Variants in AGAP1 observed in about 807,000 individuals in gnomAD.
The protein encoded by AGAP1 is ArfGAP with GTPase domain, ankyrin repeat and PH domain 1.
Under a neutral mutation model 105.3 loss-of-function variants are expected in AGAP1, and 29 were observed. The observed-to-expected ratio is 0.28, with a 90% CI of 0.21 to 0.38. The LOEUF (loss-of-function observed/expected upper bound fraction) is 0.38. Among genes scored for constraint, AGAP1 ranks in the 10% least tolerant of loss-of-function variants. AGAP1 has a pLI of 1.00. For missense variants in AGAP1, 998 were observed against 1,165.1 expected, an observed-to-expected ratio of 0.86 and a Z score of 2.09; for synonymous variants, 509 against 485.9, an observed-to-expected ratio of 1.05 and a Z score of -0.63.
chr2:235,616,736 C>T (rs936912242), intron 1 of AGAP1, among the ~76,000 whole-genome samples: 2 of 152,142 alleles, frequency 1.3e-5, no homozygotes, highest in African/African-American at 4.8e-5. Flanking sequence ...CAGAGTAGAC[C>T]CTTAATAAAT....
At chr2:236,063,601 G>A (rs751390374) in intron 16 of AGAP1, among the ~76,000 whole-genome samples, 6 of 152,222 alleles carry the variant, frequency 3.9e-5, no homozygotes, top group Non-Finnish European at 8.8e-5. Flanking sequence ...ATTTCGACAA[G>A]ATTAATTGAT....
At chr2:235,768,665 C>T (rs531242192) in intron 6 of AGAP1, among the ~76,000 whole-genome samples, 3 of 152,220 alleles carry the variant, frequency 2.0e-5, no homozygotes, top group African/African-American at 4.8e-5. Flanking sequence ...CAGTAAACTC[C>T]GGCGGCATCC....
In AGAP1 at chr2:235,622,857, A is replaced by G. The variant is rs1382569956; in HGVS notation, c.164-86322A>G. Among the ~76,000 whole-genome samples the G allele has an allele frequency of 6.6e-6, 1 of 152,114 alleles. No homozygotes were observed. Among genetic ancestry groups the G allele is most frequent in the Non-Finnish European group, 1.5e-5 (1 of 68,024 alleles). ...ACACTGGACAGTCATTGTAGAAAGT[A>G]AGATGTGATGTTAATAGTCTCTTCT... On this transcript the variant is annotated intron_variant, in intron 1 of 17. Transcript: ENST00000304032. This position sits in a 1 kb window ranked among gnomAD's most constrained non-coding sequence, Gnocchi z 5.0.
chr2:235,831,347 T>C (rs1959371138), intron 9 of AGAP1, among the ~76,000 whole-genome samples: 1 of 152,222 alleles, frequency 6.6e-6, no homozygotes, highest in South Asian at 2.1e-4. Flanking sequence ...CCATCTGTAC[T>C]TTAGGGTTCA....
At chr2:235,628,031 GC>G (rs919957842) in intron 1 of AGAP1, among the ~76,000 whole-genome samples, 18 of 152,110 alleles carry the variant, frequency 1.2e-4, no homozygotes, top group African/African-American at 4.1e-4. Context: ...GAGGGTCTGA[GC>G]CCCCCATGCA....
intron 5 of AGAP1, among the ~76,000 whole-genome samples, chr2:235,745,761 G>GC (rs1456907139): frequency 2.0e-5 from 3 of 152,202 alleles, no homozygotes; most frequent in African/African-American, 7.2e-5. Context: ...TAAGTAGGAG[G>GC]TTGCCCAGGC....
At chr2:235,827,747 A>C (rs931677393) in intron 9 of AGAP1, among the ~76,000 whole-genome samples, 3 of 152,230 alleles carry the variant, frequency 2.0e-5, no homozygotes, top group African/African-American at 7.2e-5. Flanking sequence ...CTTTCCTTTA[A>C]CATAGCTTGC....
chr2:235,542,153 A>G (rs1270318757), intron 1 of AGAP1, among the ~76,000 whole-genome samples: 1 of 151,520 alleles, frequency 6.6e-6, no homozygotes, highest in Admixed American at 6.6e-5. Context: ...TTTCACTTTC[A>G]TTTTTTGCAG....
chr2:235,723,765 CGTTGGTTGGTTGGTTGGTTG>C lies in AGAP1; in HGVS notation c.310+6140_310+6159del, dbSNP rs3834112. ...ATATGGATTGAGTGGGAGCTTTTATCGTTGGTTGGTTGGTTGGTTGGTTGGTTGGTTGGTTGGTCGATCGA... is the reference window on the plus strand; with the variant it reads ...ATATGGATTGAGTGGGAGCTTTTATCGTTGGTTGGTTGGTTGGTCGATCGA... On this transcript the variant is annotated intron_variant, in intron 3 of 17. Transcript: ENST00000304032. The surrounding 1 kb of genome is among the most constrained non-coding windows in gnomAD (Gnocchi z 6.2). Among the ~76,000 whole-genome samples, 2,874 of 150,004 alleles carry C rather than the reference CGTTGGTTGGTTGGTTGGTTG, an allele frequency of 0.019. 42 individuals carry two copies. The highest frequency in any genetic ancestry group is 0.031 in the Non-Finnish European group (2,068 of 67,502).
chr2:235,862,283 A>T lies in AGAP1; in HGVS notation c.1051-21062A>T, dbSNP rs555329431. On this transcript the variant is annotated intron_variant, in intron 9 of 17. Transcript: ENST00000304032. ...TCGGGATGGTATTCAAATTTCCAAG[A>T]AATTAAATTATTTGTAGTAAGGAGT... Among the ~76,000 whole-genome samples, 5 of 152,316 alleles carry T rather than the reference A, an allele frequency of 3.3e-5. No homozygotes were observed. In the East Asian group the frequency reaches 9.6e-4, roughly 29 times the overall value.
At chr2:235,914,112 T>G (rs1331287344) in intron 11 of AGAP1, among the ~76,000 whole-genome samples, 5 of 152,216 alleles carry the variant, frequency 3.3e-5, no homozygotes, top group African/African-American at 1.2e-4. Flanking sequence ...TCCTAATTTT[T>G]GTGTTTTCTA....
rs577630155 is a variant in AGAP1, at chr2:236,126,921, G to A, written c.*2799G>A. On this transcript the variant is annotated 3_prime_UTR_variant, in exon 18 of 18. Coordinates refer to ENST00000304032, the MANE Select transcript of AGAP1 (RefSeq NM_001037131.3). ...CTGGGAGAGGCAAGGACTGGGGGCGGAGCTAGGAATAACTCGTTTGAGAAG... is the reference window on the plus strand; with the variant it reads ...CTGGGAGAGGCAAGGACTGGGGGCGAAGCTAGGAATAACTCGTTTGAGAAG... 1 of 152,358 alleles carries A rather than the reference G, an allele frequency of 6.6e-6. No homozygotes were observed. Among genetic ancestry groups the A allele is most frequent in the African/African-American group, 2.4e-5 (1 of 41,564 alleles). 9.4% of individuals were successfully genotyped at this position (152,358 alleles called of 1,614,324 possible).
At chr2:235,839,252 A>C (rs1181480779) in intron 9 of AGAP1, among the ~76,000 whole-genome samples, 4 of 152,226 alleles carry the variant, frequency 2.6e-5, no homozygotes, top group African/African-American at 4.8e-5. Context: ...TGGCACAAGG[A>C]GATCCCAAAG....
intron 2 of AGAP1, among the ~76,000 whole-genome samples, chr2:235,711,340 AC>A (rs1295482653): frequency 6.6e-6 from 1 of 152,240 alleles, no homozygotes; most frequent in African/African-American, 2.4e-5. Context: ...TCAAGGTGTT[AC>A]AGGTTCAGAG....
rs1575768581 is a variant in AGAP1, at chr2:235,915,112, C to A, written c.1324+6206C>A. ...AACCCGCCAGTCATTATGGGCCATA[C>A]ACCTGCTCAGAGCCCACAACCAGCC... On this transcript the variant is annotated intron_variant, in intron 11 of 17. Coordinates refer to ENST00000304032, the MANE Select transcript of AGAP1 (RefSeq NM_001037131.3). Among the ~76,000 whole-genome samples, 3 of 152,242 alleles carry A rather than the reference C, an allele frequency of 2.0e-5. No homozygotes were observed. In the East Asian group the frequency reaches 5.8e-4, roughly 30 times the overall value.
At chr2:236,116,705 A>T (rs573908653) in intron 16 of AGAP1, among the ~76,000 whole-genome samples, 2 of 152,126 alleles carry the variant, frequency 1.3e-5, no homozygotes, top group African/African-American at 4.8e-5. Flanking sequence ...TCACCCGAGC[A>T]CTATATACTG....
chr2:235,841,524 G>A (rs1053602735), intron 9 of AGAP1, among the ~76,000 whole-genome samples: 1 of 152,148 alleles, frequency 6.6e-6, no homozygotes, highest in Non-Finnish European at 1.5e-5. Context: ...AGCTACTCTG[G>A]AGGCTGAGGT....
At chr2:235,995,543 C>G (rs2055773250) in intron 13 of AGAP1, among the ~76,000 whole-genome samples, 1 of 152,082 alleles carries the variant, frequency 6.6e-6, no homozygotes, top group African/African-American at 2.4e-5. Context: ...AGAAAAAATT[C>G]TACTTAAAGA....
In AGAP1 at chr2:235,792,418, A is replaced by C. The variant is rs1171107429; in HGVS notation, c.674-5341A>C. On this transcript the variant is annotated intron_variant, in intron 6 of 17. Transcript: ENST00000304032. This position sits in a 1 kb window ranked among gnomAD's most constrained non-coding sequence, Gnocchi z 5.3. ...CAGGAGTGGACAAGCCACCTTCCCCAAACATGAAAGAGCCCAGTTTTGCTA... is the reference window on the plus strand; with the variant it reads ...CAGGAGTGGACAAGCCACCTTCCCCCAACATGAAAGAGCCCAGTTTTGCTA... Among the ~76,000 whole-genome samples, 1 of 152,184 alleles carries C rather than the reference A, an allele frequency of 6.6e-6. No individual in the cohort carries two copies. The highest frequency in any genetic ancestry group is 1.5e-5 in the Non-Finnish European group (1 of 68,040).
Sources: gnomAD v4.1 joint callset for allele counts (sites outside exome capture counted in the v4.1 genomes callset) on GRCh38, gnomAD v4.1.1 for gene constraint, Gnocchi (gnomAD v3.1) non-coding constraint, MANE v1.5 for transcripts, NCBI Gene and HGNC (gene_info 2026-07-23, HGNC 2026-07-21) for gene names.